Variants in EIF3F observed in about 807,000 individuals in gnomAD.
The protein encoded by EIF3F is eukaryotic translation initiation factor 3 subunit F.
Under a neutral mutation model 36.0 loss-of-function variants are expected in EIF3F, and 8 were observed. The ratio of observed to expected loss-of-function variants is 0.22; its 90% CI spans 0.13 to 0.40. EIF3F has a LOEUF of 0.40. Ranked by LOEUF, EIF3F falls within the 10% of genes least tolerant of loss-of-function variation. The probability of loss-of-function intolerance (pLI) is 1.00; values close to 1 mark genes in which losing one functional copy is unlikely to be tolerated. For missense variants in EIF3F, 430 were observed against 467.6 expected (o/e 0.92, Z 0.74); for synonymous variants, 184 against 188.5 (o/e 0.98, Z 0.19).
At position 7,987,802 on chromosome 11, in the gene EIF3F, C is replaced by T. The variant is rs1011883102; in HGVS notation, c.364+86C>T. ...CCCTAACTCATTAATTCTTTAATTCCTGGTGTCCTACCGTCCTTTCCTCCC... is the reference window on the plus strand; with the variant it reads ...CCCTAACTCATTAATTCTTTAATTCTTGGTGTCCTACCGTCCTTTCCTCCC... On this transcript the variant is annotated intron_variant, in intron 1 of 7. Transcript: ENST00000651655. 16 of 1,380,766 alleles carry T rather than the reference C, an allele frequency of 1.2e-5. No homozygotes were observed. The African/African-American group carries it at 1.5e-4, about 13-fold the overall frequency. 85.5% of individuals were successfully genotyped at this position (1,380,766 alleles called of 1,614,324 possible).
At chr11:7,988,844 A>C (rs542787030) in intron 1 of EIF3F, among the ~76,000 whole-genome samples, 25 of 152,230 alleles carry the variant, frequency 1.6e-4, no homozygotes, top group Non-Finnish European at 2.8e-4. Context: ...ACTTCTGACT[A>C]TGCTGGCACA....
At position 7,997,354 on chromosome 11, in the gene EIF3F, A is replaced by G. The variant is rs1942172133; in HGVS notation, c.*1332A>G. On this transcript the variant is annotated 3_prime_UTR_variant, in exon 8 of 8. Coordinates refer to ENST00000651655, the MANE Select transcript of EIF3F (RefSeq NM_003754.3). Reference sequence around the variant, plus strand: ...ATCAACTTAGTCTTTTTAAGTATGCATGATAAAATTCCGAGGTTAATTGCT... The same window carrying G: ...ATCAACTTAGTCTTTTTAAGTATGCGTGATAAAATTCCGAGGTTAATTGCT... 6.6e-6 allele frequency: 1 copy of G among 152,218 alleles called. No homozygotes were observed. The highest frequency in any genetic ancestry group is 2.1e-4 in the South Asian group (1 of 4,836). The allele number at this position is 152,218 out of a possible 1,614,324, so 9.4% of individuals were successfully genotyped here. A position where few individuals can be genotyped will look rare whatever the true frequency, so the allele number is the denominator to read the frequency against.
chr11:7,991,194 GAAAAAAAA>G (rs917471795), intron 1 of EIF3F, among the ~76,000 whole-genome samples: 35 of 133,854 alleles, frequency 2.6e-4, no homozygotes, highest in Admixed American at 1.6e-3. Flanking sequence ...TTTCGTCTCA[GAAAAAAAA>G]AAAAGAAAAA....
At position 8,000,690 on chromosome 11, in the gene EIF3F, T is replaced by C. The variant is rs954324894; in HGVS notation, c.*4668T>C. ...AGAATTCTAGAATATGATAAAGTTG[T>C]GTTTTCAAGCAAGTAAAGATAGATT... On this transcript the variant is annotated 3_prime_UTR_variant, in exon 8 of 8. Transcript: ENST00000651655. 4.6e-5 allele frequency: 7 copies of C among 152,190 alleles called. No homozygotes were observed. The highest frequency in any genetic ancestry group is 5.9e-5 in the Non-Finnish European group (4 of 68,036). The allele number at this position is 152,190 out of a possible 1,614,324, so 9.4% of individuals were successfully genotyped here.
At chr11:7,994,902 C>T in intron 5 of EIF3F, 80 bp from the exon 6 acceptor site, 1 of 1,575,126 alleles carries the variant, frequency 6.3e-7, no homozygotes, top group South Asian at 1.2e-5. Context: ...TTAAGACCAT[C>T]TCTTTCCTGG....
chr11:7,994,617 A>G (rs1589906673), intron 5 of EIF3F, 100 bp downstream of exon 5: 2 of 1,101,270 alleles, frequency 1.8e-6, no homozygotes, highest in Admixed American at 2.2e-5. Context: ...TGGTTTGAAA[A>G]GGGACTATTG....
chr11:7,991,678 G>A, intron 1 of EIF3F, 103 bp from the exon 2 acceptor site: 3 of 1,105,600 alleles, frequency 2.7e-6, no homozygotes, highest in Non-Finnish European at 4.2e-6. Flanking sequence ...TCAGTTAGGT[G>A]TTCATTGACA....
At position 7,998,097 on chromosome 11, in the gene EIF3F, T is replaced by C. The variant is rs918334609; in HGVS notation, c.*2075T>C. 4 of 152,096 alleles carry C rather than the reference T, an allele frequency of 2.6e-5. No homozygotes were observed. The highest frequency in any genetic ancestry group is 9.7e-5 in the African/African-American group (4 of 41,386). The allele number at this position is 152,096 out of a possible 1,614,324, so 9.4% of individuals were successfully genotyped here. A position where few individuals can be genotyped will look rare whatever the true frequency, so the allele number is the denominator to read the frequency against. ...TAAACGGTGACTGTGTGTGTATATATATATGTATAGTCTGTTCTCATTATC... is the reference window on the plus strand; with the variant it reads ...TAAACGGTGACTGTGTGTGTATATACATATGTATAGTCTGTTCTCATTATC... On this transcript the variant is annotated 3_prime_UTR_variant, in exon 8 of 8. Coordinates refer to ENST00000651655, the MANE Select transcript of EIF3F (RefSeq NM_003754.3).
Position 7,997,300 on chromosome 11 carries a change from T to G in EIF3F, c.*1278T>G, listed in dbSNP as rs1942171708. On this transcript the variant is annotated 3_prime_UTR_variant, in exon 8 of 8. Transcript: ENST00000651655. ...AATCAGAGTCAAAATGTTTCAGTGT[T>G]CTTACATTTTTGGGAGTAGCCAGTT... 1 of 152,222 alleles carries G rather than the reference T, an allele frequency of 6.6e-6. No individual in the cohort carries two copies. The allele number at this position is 152,222 out of a possible 1,614,324, so 9.4% of individuals were successfully genotyped here.
At chr11:7,993,092 C>T (rs1942116389) in intron 4 of EIF3F, 68 bp downstream of exon 4, 1 of 1,495,536 alleles carries the variant, frequency 6.7e-7, no homozygotes, top group Non-Finnish European at 8.9e-7. Context: ...CCACCCCAAG[C>T]AAGGTTAATT....
In EIF3F at chr11:7,992,904, A is replaced by G; in HGVS notation, c.533A>G (p.Asp178Gly). 6.2e-7 allele frequency: 1 copy of G among 1,614,122 alleles called. No homozygotes were observed. Among genetic ancestry groups the G allele is most frequent in the Non-Finnish European group, 8.5e-7 (1 of 1,180,030 alleles). ...LILGWYATGHDITEHSVLIHE... is the reference protein window; with the variant it reads ...LILGWYATGHGITEHSVLIHE... ...TTTCACAGGTACGCTACGGGCCATG[A>G]CATCACAGAGCACTCTGTGCTGATC... Residue 178 changes from aspartate (D) to glycine (G), a missense_variant, in exon 4 of 8, where the codon GAC becomes GGC. Physicochemically the swap from Asp to Gly is moderately conservative, Grantham distance 94 (BLOSUM62 -1). Coordinates refer to ENST00000651655, the MANE Select transcript of EIF3F (RefSeq NM_003754.3).
intron 1 of EIF3F, chr11:7,987,932 T>A: frequency 3.3e-6 from 2 of 611,928 alleles, no homozygotes; most frequent in Non-Finnish European, 2.4e-6. Flanking sequence ...TTGCTGTCAC[T>A]TTAAGCGACA....
intron 3 of EIF3F, chr11:7,992,641 T>G: frequency 1.9e-6 from 1 of 535,898 alleles, no homozygotes; most frequent in Non-Finnish European, 3.3e-6. Context: ...TGCTGGTGGT[T>G]CTGATCCTGT....
Position 7,997,475 on chromosome 11 carries a change from G to C in EIF3F, c.*1453G>C, listed in dbSNP as rs967667665. 9.2e-5 allele frequency: 14 copies of C among 152,030 alleles called. No homozygotes were observed. The highest frequency in any genetic ancestry group is 7.2e-4 in the Admixed American group (11 of 15,258). The allele number at this position is 152,030 out of a possible 1,614,324, so 9.4% of individuals were successfully genotyped here. On this transcript the variant is annotated 3_prime_UTR_variant, in exon 8 of 8. Transcript: ENST00000651655. ...AAATTTGAGAAATAAGCATAGAAAA[G>C]GTGGATAAAACAAAAGATGGCAAAA... is the stretch of plus-strand genomic sequence containing the variant.
Position 7,995,380 on chromosome 11 carries a change from C to A in EIF3F, c.996+13C>A, listed in dbSNP as rs768797067. On this transcript the variant is annotated intron_variant, in intron 7 of 7. Coordinates refer to ENST00000651655, the MANE Select transcript of EIF3F (RefSeq NM_003754.3). ...CAGCAACATCAATGTGAGTGCCCTT[C>A]CTGAGCCCCTTCTTGCCTGGTTTCT... 19 of 1,598,142 alleles carry A rather than the reference C, an allele frequency of 1.2e-5. No individual in the cohort carries two copies. The highest frequency in any genetic ancestry group is 9.9e-5 in the South Asian group (9 of 90,778).
At chr11:7,988,803 A>C (rs1942057694) in intron 1 of EIF3F, among the ~76,000 whole-genome samples, 1 of 152,232 alleles carries the variant, frequency 6.6e-6, no homozygotes, top group Non-Finnish European at 1.5e-5. Flanking sequence ...GAGCTACTTT[A>C]GACTTAGTCT....
rs572759792 is a variant in EIF3F at position 7,992,595 on chromosome 11, T to C, written c.516-292T>C. On this transcript the variant is annotated intron_variant, in intron 3 of 7. Transcript: ENST00000651655. ...CTGTCTCTAAAAAACAAAAGGAAAG[T>C]GTGTTACCTGTAGGAACTGTGAATT... 3 of 468,484 alleles carry C rather than the reference T, an allele frequency of 6.4e-6. No homozygotes were observed. The Admixed American group carries it at 1.1e-4, about 18-fold the overall frequency. The allele number at this position is 468,484 out of a possible 1,614,324, so 29.0% of individuals were successfully genotyped here.
chr11:8,000,431 G>C lies in EIF3F; in HGVS notation c.*4409G>C, dbSNP rs544976824. 1 of 152,116 alleles carries C rather than the reference G, an allele frequency of 6.6e-6. No individual in the cohort carries two copies. Among genetic ancestry groups the C allele is most frequent in the South Asian group, 2.1e-4 (1 of 4,812 alleles). The allele number at this position is 152,116 out of a possible 1,614,324, so 9.4% of individuals were successfully genotyped here. A position where few individuals can be genotyped will look rare whatever the true frequency, so the allele number is the denominator to read the frequency against. ...GATAAATGGGGAGATGTTGGTCAAG[G>C]GTACAAAGTTTCAGTTAAACAGGAG... is the stretch of plus-strand genomic sequence containing the variant. On this transcript the variant is annotated 3_prime_UTR_variant, in exon 8 of 8. Transcript: ENST00000651655.
At position 7,991,291 on chromosome 11, in the gene EIF3F, A is replaced by G. The variant is rs568447190; in HGVS notation, c.365-490A>G. On this transcript the variant is annotated intron_variant, in intron 1 of 7. Transcript: ENST00000651655. ...ACTGACTTCTAAGGTTCGCAGATAG[A>G]TTTCTGGATGATGATAAGGTTAAGA... is the stretch of plus-strand genomic sequence containing the variant. Among the ~76,000 whole-genome samples, 4 of 152,320 alleles carry G rather than the reference A, an allele frequency of 2.6e-5. No homozygotes were observed. The East Asian group carries it at 5.8e-4, about 22-fold the overall frequency.
Sources: gnomAD v4.1 joint callset for allele counts (sites outside exome capture counted in the v4.1 genomes callset) on GRCh38, gnomAD v4.1.1 for gene constraint, MANE v1.5 for transcripts, NCBI Gene and HGNC (gene_info 2026-07-23, HGNC 2026-07-21) for gene names.